The following RTN3 variants were observed in gnomAD, a reference collection of about 807,000 sequenced individuals.
RTN3 encodes reticulon 3.
In RTN3, 49 loss-of-function variants were observed where a neutral mutation model predicts 77.8. The ratio of observed to expected loss-of-function variants is 0.63; its 90% CI spans 0.50 to 0.80. RTN3 has a LOEUF of 0.80. RTN3 is among the 30% of genes least tolerant of loss of function. The pLI is 0.00. For synonymous variants in RTN3, 464 were observed against 446.9 expected (o/e 1.04, Z -0.48); for missense variants, 1,236 against 1,211.9 (o/e 1.02, Z -0.29).
intron 2 of RTN3, among the ~76,000 whole-genome samples, chr11:63,707,279 T>C (rs1942543482): frequency 6.6e-6 from 1 of 152,166 alleles, no homozygotes; most frequent in African/African-American, 2.4e-5. Flanking sequence ...ACATACCTAA[T>C]GTATAACGTT....
chr11:63,731,505 A>G (rs538064149), intron 3 of RTN3, among the ~76,000 whole-genome samples: 1 of 152,376 alleles, frequency 6.6e-6, no homozygotes, highest in South Asian at 2.1e-4. Context: ...TTGGAAATTA[A>G]GACAGTTTTA....
intron 3 of RTN3, among the ~76,000 whole-genome samples, chr11:63,742,718 T>C (rs1271141210): frequency 6.6e-6 from 1 of 152,178 alleles, no homozygotes; most frequent in East Asian, 1.9e-4. Context: ...ATTAATGTCT[T>C]GGCAATTTTG....
At chr11:63,714,014 C>T (rs546299159) in intron 2 of RTN3, 1 of 518,756 alleles carries the variant, frequency 1.9e-6, no homozygotes, top group South Asian at 1.4e-5. Flanking sequence ...GCCATACTGA[C>T]CAATTGGAAG....
chr11:63,688,573 T>C (rs1941494237), intron 1 of RTN3, among the ~76,000 whole-genome samples: 1 of 152,134 alleles, frequency 6.6e-6, no homozygotes, highest in African/African-American at 2.4e-5. Context: ...TCACAAGTAA[T>C]GGAACCACTC....
chr11:63,749,858 T>TA (rs986604567), intron 3 of RTN3, 133 bp from the exon 4 acceptor site: 2 of 706,706 alleles, frequency 2.8e-6, no homozygotes, highest in African/African-American at 1.8e-5. Flanking sequence ...CCCATCTCTT[T>TA]AAAAAAACAA....
Position 63,753,726 on chromosome 11 carries a change from C to A in RTN3, c.2994+18C>A, listed in dbSNP as rs760443826. On this transcript the variant is annotated intron_variant, in intron 7 of 8. Coordinates refer to ENST00000377819, the MANE Select transcript of RTN3 (RefSeq NM_001265589.2). ...AGTACAAGGTAAGCATTTATCTGTT[C>A]CAAATCAAATGTGCCAGTTGATGTA... The A allele has an allele frequency of 6.2e-7, 1 of 1,608,656 alleles. No homozygotes were observed. Among genetic ancestry groups the A allele is most frequent in the Non-Finnish European group, 8.5e-7 (1 of 1,175,394 alleles).
chr11:63,684,053 A>G (rs1941220331), intron 1 of RTN3, among the ~76,000 whole-genome samples: 1 of 136,296 alleles, frequency 7.3e-6, no homozygotes, highest in South Asian at 2.2e-4. Flanking sequence ...CGGGGTTCAA[A>G]TGATTCTCAT....
intron 1 of RTN3, among the ~76,000 whole-genome samples, chr11:63,687,851 T>G (rs945304715): frequency 3.4e-4 from 52 of 152,196 alleles, no homozygotes; most frequent in Non-Finnish European, 7.3e-5. Context: ...CAAGTACAAA[T>G]GAGAAATCTG....
At chr11:63,716,888 G>A (rs28441368) in intron 2 of RTN3, among the ~76,000 whole-genome samples, 4,039 of 144,384 alleles carry the variant, frequency 0.028, 190 homozygotes, top group African/African-American at 0.097. Flanking sequence ...AGAATGGCGC[G>A]AACCCGGGAG....
intron 2 of RTN3, among the ~76,000 whole-genome samples, chr11:63,715,582 T>C (rs1222591087): frequency 6.6e-6 from 1 of 151,864 alleles, no homozygotes; most frequent in African/African-American, 2.4e-5. Flanking sequence ...CGCTTCAATC[T>C]GGGGGGCGGA....
At chr11:63,686,823 CT>C (rs1941400768) in intron 1 of RTN3, among the ~76,000 whole-genome samples, 3 of 151,734 alleles carry the variant, frequency 2.0e-5, no homozygotes, top group African/African-American at 7.3e-5. Flanking sequence ...TGAGCCAGAA[CT>C]TGTCTTAAAA....
chr11:63,724,021 T>G (rs1261064818), intron 3 of RTN3, among the ~76,000 whole-genome samples: 1 of 152,000 alleles, frequency 6.6e-6, no homozygotes. Context: ...GTGAAGATAG[T>G]TTTTTGTGTT....
chr11:63,756,863 T>C (rs1317415249), intron 8 of RTN3, among the ~76,000 whole-genome samples: 3 of 152,176 alleles, frequency 2.0e-5, no homozygotes, highest in Admixed American at 2.0e-4. Flanking sequence ...CTGGCCAACA[T>C]AGTGAAACCC....
intron 1 of RTN3, among the ~76,000 whole-genome samples, chr11:63,702,926 C>T (rs1276690161): frequency 2.6e-5 from 4 of 151,758 alleles, no homozygotes; most frequent in East Asian, 1.9e-4. Flanking sequence ...ACCTCGTGAT[C>T]TGCCTGCCTC....
chr11:63,703,541 T>C (rs976108308), intron 1 of RTN3, among the ~76,000 whole-genome samples: 1 of 151,506 alleles, frequency 6.6e-6, no homozygotes, highest in Non-Finnish European at 1.5e-5. Flanking sequence ...CATACACATA[T>C]TTTTTTTCTT....
intron 7 of RTN3, among the ~76,000 whole-genome samples, chr11:63,755,702 G>A (rs2014342696): frequency 6.9e-6 from 1 of 145,414 alleles, no homozygotes; most frequent in East Asian, 2.0e-4. Flanking sequence ...GCTCATGCCT[G>A]TAATCCCAGC....
chr11:63,685,040 A>G (rs1941293167), intron 1 of RTN3, among the ~76,000 whole-genome samples: 1 of 152,136 alleles, frequency 6.6e-6, no homozygotes, highest in South Asian at 2.1e-4. Flanking sequence ...GATTACAGGC[A>G]TGAGCCACTG....
chr11:63,719,117 C>G lies in RTN3; in HGVS notation c.615C>G (p.Phe205Leu). ...AKTALDADDR[F>L]TLLTAQKPPT... ...CTGCATTGGATGCTGATGACAGATT[C>G]ACTTTGCTGACAGCCCAGAAACCAC... Residue 205 changes from phenylalanine to leucine, a missense_variant, in exon 3 of 9, where the codon TTC (phenylalanine) becomes TTG (leucine). Physicochemically the swap from Phe to Leu is conservative, Grantham distance 22 (BLOSUM62 0). Around this residue, in one of 3 missense-constraint regions of RTN3, gnomAD observed 1,056 missense variants for 990.4 expected, o/e 1.07. Coordinates refer to ENST00000377819, the MANE Select transcript of RTN3 (RefSeq NM_001265589.2). 1.2e-6 allele frequency: 2 copies of G among 1,614,144 alleles called. No individual in the cohort carries two copies. The highest frequency in any genetic ancestry group is 1.1e-5 in the South Asian group (1 of 91,062).
chr11:63,705,781 CTTTGT>C (rs748395386), intron 2 of RTN3, among the ~76,000 whole-genome samples: 3 of 152,110 alleles, frequency 2.0e-5, no homozygotes, highest in Non-Finnish European at 4.4e-5. Context: ...TGAGTTGTGG[CTTTGT>C]TTTGTTTTGT....
Sources: allele counts gnomAD v4.1 joint callset (sites outside exome capture counted in the v4.1 genomes callset), GRCh38; gene constraint gnomAD v4.1.1; regional missense constraint gnomAD v4.1.1; transcripts MANE v1.5; gene names NCBI Gene and HGNC (gene_info 2026-07-23, HGNC 2026-07-21).